The following PCDH11X variants were observed in gnomAD, a reference collection of about 807,000 sequenced individuals.
PCDH11X encodes the protein protocadherin-11 X-linked.
Under a neutral mutation model 53.3 loss-of-function variants are expected in PCDH11X, and 18 were observed. The observed-to-expected ratio is 0.34, with a 90% CI of 0.23 to 0.50. PCDH11X has a LOEUF of 0.50. Among genes scored for constraint, PCDH11X ranks in the 20% least tolerant of loss-of-function variants. The probability of loss-of-function intolerance (pLI) is 0.98; values close to 1 mark genes in which losing one functional copy is unlikely to be tolerated. For missense variants in PCDH11X, 570 were observed against 1,032.4 expected, an observed-to-expected ratio of 0.55 and a Z score of 6.14; for synonymous variants, 279 against 393.3, an observed-to-expected ratio of 0.71 and a Z score of 3.44.
intron 10 of PCDH11X, among the ~76,000 whole-genome samples, chrX:92,575,405 A>T (rs999959246): frequency 3.6e-5 from 4 of 110,367 alleles, no homozygotes; most frequent in African/African-American, 1.3e-4. Context: ...AATTTTAAAA[A>T]TTTAATAATT....
At chrX:92,364,270 A>G (rs1356209552) in intron 8 of PCDH11X, among the ~76,000 whole-genome samples, 1 of 111,923 alleles carries the variant, frequency 8.9e-6, no homozygotes, top group Non-Finnish European at 1.9e-5. Flanking sequence ...CTTACACTCT[A>G]TAGCCTATTA....
At chrX:92,305,401 G>A (rs768275338) in intron 8 of PCDH11X, among the ~76,000 whole-genome samples, 3 of 107,583 alleles carry the variant, frequency 2.8e-5, no homozygotes, top group East Asian at 2.9e-4. Flanking sequence ...GATGTCCACC[G>A]TCTTGCTGTG....
intron 4 of PCDH11X, among the ~76,000 whole-genome samples, chrX:91,821,098 T>A (rs749864410): frequency 0.055 from 5,465 of 100,012 alleles, 856 homozygotes; most frequent in African/African-American, 0.25. Context: ...GTTTGAAGTC[T>A]GGTAGTGTGA....
intron 10 of PCDH11X, among the ~76,000 whole-genome samples, chrX:92,613,541 G>T (rs1482082099): frequency 2.6e-4 from 21 of 79,280 alleles, no homozygotes; most frequent in Admixed American, 5.6e-4. Context: ...TGTTGTTGTT[G>T]TTGTTGTGTG....
At chrX:92,041,963 C>A (rs779968348) in intron 6 of PCDH11X, among the ~76,000 whole-genome samples, 17 of 111,389 alleles carry the variant, frequency 1.5e-4, no homozygotes, top group Non-Finnish European at 3.2e-4. Flanking sequence ...AGCGAGACTC[C>A]GTCTCAAAAA....
intron 7 of PCDH11X, among the ~76,000 whole-genome samples, chrX:92,215,416 G>A (rs1212150278): frequency 9.6e-6 from 1 of 103,956 alleles, no homozygotes; most frequent in South Asian, 4.6e-4. Context: ...CACCTGGCTC[G>A]GAAGGTCCTA....
At chrX:92,553,114 C>A (rs1311092086) in intron 10 of PCDH11X, among the ~76,000 whole-genome samples, 1 of 107,481 alleles carries the variant, frequency 9.3e-6, no homozygotes, top group Admixed American at 1.0e-4. Context: ...TTCCATCCAC[C>A]TCTATTTTTA....
chrX:92,267,303 T>C (rs1266131904), intron 8 of PCDH11X, among the ~76,000 whole-genome samples: 2 of 112,217 alleles, frequency 1.8e-5, no homozygotes, highest in Non-Finnish European at 3.8e-5. Context: ...AGTGCTAAAC[T>C]GAATATGGCA....
At chrX:92,175,776 G>GTGTGTA (rs779454685) in intron 6 of PCDH11X, among the ~76,000 whole-genome samples, 6 of 79,278 alleles carry the variant, frequency 7.6e-5, no homozygotes, top group African/African-American at 2.7e-4. Context: ...GTGTGTGTGT[G>GTGTGTA]TATATATATA....
intron 8 of PCDH11X, among the ~76,000 whole-genome samples, chrX:92,329,421 T>G (rs2069410568): frequency 9.1e-6 from 1 of 110,339 alleles, no homozygotes; most frequent in South Asian, 3.8e-4. Context: ...AGTTAGAGGG[T>G]TTGTCAAAAA....
At chrX:92,609,702 G>T (rs1304879487) in intron 10 of PCDH11X, among the ~76,000 whole-genome samples, 1 of 110,319 alleles carries the variant, frequency 9.1e-6, no homozygotes, top group Non-Finnish European at 1.9e-5. Context: ...GCTGAGGTTT[G>T]GGGTATGAAT....
chrX:91,885,387 G>A (rs1163334088), intron 6 of PCDH11X, among the ~76,000 whole-genome samples: 1 of 111,216 alleles, frequency 9.0e-6, no homozygotes, highest in African/African-American at 3.3e-5. Context: ...TGCCCTGCAG[G>A]TAGCAAGATA....
chrX:92,379,553 C>T (rs912234037), intron 8 of PCDH11X, among the ~76,000 whole-genome samples: 7 of 112,335 alleles, frequency 6.2e-5, no homozygotes, highest in African/African-American at 2.3e-4. Flanking sequence ...TTGATAGCGT[C>T]AGGAGGCATA....
intron 6 of PCDH11X, among the ~76,000 whole-genome samples, chrX:91,937,286 A>AT (rs1376656353): frequency 9.1e-6 from 1 of 110,473 alleles, no homozygotes; most frequent in Non-Finnish European, 1.9e-5. Flanking sequence ...AATTTACACA[A>AT]TTTTTTCTTA....
Position 92,139,317 on chromosome X carries a change from C to G in PCDH11X, c.3034-62058C>G, listed in dbSNP as rs1321307217. ...TGAGATGGAGTCTTGCTCTTGTCGCCCAGGCTGAAGTGCAGTGGCATGATC... is the reference window on the plus strand; with the variant it reads ...TGAGATGGAGTCTTGCTCTTGTCGCGCAGGCTGAAGTGCAGTGGCATGATC... On this transcript the variant is annotated intron_variant, in intron 6 of 10. Transcript: ENST00000682573. Among the ~76,000 whole-genome samples the G allele has an allele frequency of 3.1e-5, 3 of 96,681 alleles. No homozygotes were observed. The East Asian group carries it at 9.5e-4, about 31-fold the overall frequency. 84.0% of individuals were successfully genotyped at this position (96,681 alleles called of 115,157 possible). A position where few individuals can be genotyped will look rare whatever the true frequency, so the allele number is the denominator to read the frequency against.
intron 10 of PCDH11X, among the ~76,000 whole-genome samples, chrX:92,474,083 C>T (rs186946992): frequency 0.013 from 1,458 of 110,769 alleles, 27 homozygotes; most frequent in African/African-American, 0.045. Context: ...GTATTGGGGC[C>T]TATCTCTATC....
chrX:91,818,829 C>T (rs1382088336), intron 4 of PCDH11X, among the ~76,000 whole-genome samples: 1 of 111,531 alleles, frequency 9.0e-6, no homozygotes, highest in African/African-American at 3.3e-5. Flanking sequence ...TTTCAATTGG[C>T]AGTTTTCCTT....
At chrX:92,500,522 T>C (rs747441615) in intron 10 of PCDH11X, among the ~76,000 whole-genome samples, 1 of 111,366 alleles carries the variant, frequency 9.0e-6, no homozygotes, top group Non-Finnish European at 1.9e-5. Flanking sequence ...TAATAACATA[T>C]AAGCCTGAGA....
rs753465089 is a variant in PCDH11X, at chrX:92,496,802, C to T, written c.3367+28480C>T. 2.1e-3 allele frequency among the ~76,000 whole-genome samples: 232 copies of T among 108,613 alleles called. 10 individuals carry two copies. Among genetic ancestry groups the T allele is most frequent in the African/African-American group, 7.8e-3 (222 of 28,385 alleles). The allele number at this position is 108,613 out of a possible 115,157, so 94.3% of individuals were successfully genotyped here. Reference sequence around the variant, plus strand: ...CTAACTTCTAAGAATGCACTATAAACTCTTCTTACATGCCTTTGCAGTACC... The same window carrying T: ...CTAACTTCTAAGAATGCACTATAAATTCTTCTTACATGCCTTTGCAGTACC... On this transcript the variant is annotated intron_variant, in intron 10 of 10. Transcript: ENST00000682573.
Sources: gnomAD v4.1 joint callset for allele counts (sites outside exome capture counted in the v4.1 genomes callset) on GRCh38, gnomAD v4.1.1 for gene constraint, MANE v1.5 for transcripts, NCBI Gene and HGNC (gene_info 2026-07-23, HGNC 2026-07-21) for gene names.